The following DPYSL5 variants were observed in gnomAD, a reference collection of about 807,000 sequenced individuals.
DPYSL5 encodes the protein dihydropyrimidinase like 5.
In DPYSL5, 9 loss-of-function variants were observed where a neutral mutation model predicts 58.4. That is an observed-to-expected ratio of 0.15 (90% CI 0.09 to 0.27). DPYSL5 has a LOEUF of 0.27. DPYSL5 is among the 10% of genes least tolerant of loss of function. The pLI is 1.00. For missense variants in DPYSL5, 499 were observed against 770.6 expected, an observed-to-expected ratio of 0.65 and a Z score of 4.17; for synonymous variants, 293 against 301.9, an observed-to-expected ratio of 0.97 and a Z score of 0.31.
At chr2:26,900,071 G>T (rs1360497241) in intron 2 of DPYSL5, among the ~76,000 whole-genome samples, 1 of 152,166 alleles carries the variant, frequency 6.6e-6, no homozygotes, top group Admixed American at 6.5e-5. Context: ...TTTCACTGAA[G>T]TATACCATAT....
intron 2 of DPYSL5, among the ~76,000 whole-genome samples, chr2:26,923,072 A>G (rs1664742432): frequency 1.3e-5 from 2 of 152,140 alleles, no homozygotes; most frequent in Non-Finnish European, 2.9e-5. Flanking sequence ...CCCCAGCAAT[A>G]TTTTTCATTT....
rs372605725 is a variant in DPYSL5 at position 26,927,223 on chromosome 2, C to A, written c.421-30C>A. On this transcript the variant is annotated intron_variant, in intron 3 of 12. Transcript: ENST00000288699. This position sits in a 1 kb window ranked among gnomAD's most constrained non-coding sequence, Gnocchi z 4.3. Reference sequence around the variant, plus strand: ...TCGGCCTCTTGGGTGTCTGCCCTCACGCAGCATTGCCCTTCTACTTGTTCT... The same window carrying A: ...TCGGCCTCTTGGGTGTCTGCCCTCAAGCAGCATTGCCCTTCTACTTGTTCT... 1 of 1,595,858 alleles carries A rather than the reference C, an allele frequency of 6.3e-7. No homozygotes were observed. Among genetic ancestry groups the A allele is most frequent in the East Asian group, 2.3e-5 (1 of 44,406 alleles).
chr2:26,879,916 G>T (rs1003064783), intron 1 of DPYSL5, among the ~76,000 whole-genome samples: 7 of 151,602 alleles, frequency 4.6e-5, no homozygotes, highest in Non-Finnish European at 8.9e-5. Flanking sequence ...GTTGAGACAG[G>T]GTCTCACTCT....
chr2:26,940,605 G>C (rs1405279952), intron 9 of DPYSL5, among the ~76,000 whole-genome samples: 3 of 150,740 alleles, frequency 2.0e-5, no homozygotes, highest in Non-Finnish European at 4.4e-5. Context: ...TGCGATTATA[G>C]GTGTGAGCCA....
intron 8 of DPYSL5, among the ~76,000 whole-genome samples, chr2:26,935,243 C>T (rs1455953850): frequency 1.3e-5 from 2 of 152,136 alleles, no homozygotes; most frequent in Non-Finnish European, 2.9e-5. Flanking sequence ...CTCCTTTCTC[C>T]AGCTCTTCTA....
chr2:26,900,074 T>C (rs1329699820), intron 2 of DPYSL5, among the ~76,000 whole-genome samples: 4 of 152,180 alleles, frequency 2.6e-5, no homozygotes, highest in South Asian at 2.1e-4. Flanking sequence ...CACTGAAGTA[T>C]ACCATATATA....
intron 1 of DPYSL5, among the ~76,000 whole-genome samples, chr2:26,879,666 A>G (rs905641918): frequency 4.6e-5 from 7 of 152,148 alleles, no homozygotes; most frequent in Admixed American, 4.6e-4. Flanking sequence ...GGACACATGC[A>G]GTCAGTGAGT....
At chr2:26,861,498 G>A (rs1666015606) in intron 1 of DPYSL5, among the ~76,000 whole-genome samples, 1 of 152,194 alleles carries the variant, frequency 6.6e-6, no homozygotes, top group African/African-American at 2.4e-5. Flanking sequence ...GAACTTTAGA[G>A]AACGTTTAGT....
chr2:26,931,633 C>T lies in DPYSL5; in HGVS notation c.670-7C>T, dbSNP rs1184697979. 1.2e-6 allele frequency: 2 copies of T among 1,613,914 alleles called. No homozygotes were observed. Among genetic ancestry groups the T allele is most frequent in the Admixed American group, 3.3e-5 (2 of 59,996 alleles). ...TTTGGTTTCCTCCTGTCCTTTGTTT[C>T]TAACAGCTGGAAGCTGAAGCCACTC... On this transcript the variant is annotated splice_region_variant and splice_polypyrimidine_tract_variant and intron_variant, in intron 5 of 12. Transcript: ENST00000288699.
At chr2:26,910,590 G>A (rs191578529) in intron 2 of DPYSL5, among the ~76,000 whole-genome samples, 182 of 133,442 alleles carry the variant, frequency 1.4e-3, no homozygotes, top group African/African-American at 4.7e-3. Flanking sequence ...TATAAGAGTT[G>A]TTTTCTTTTT....
chr2:26,926,034 A>G (rs1664821693), intron 3 of DPYSL5, among the ~76,000 whole-genome samples: 1 of 152,218 alleles, frequency 6.6e-6, no homozygotes, highest in Admixed American at 6.5e-5. Flanking sequence ...TTGAGCTCGA[A>G]TAAACTCTGT....
chr2:26,909,634 G>A (rs1276738204), intron 2 of DPYSL5, among the ~76,000 whole-genome samples: 1 of 152,028 alleles, frequency 6.6e-6, no homozygotes, highest in East Asian at 1.9e-4. Flanking sequence ...AAGCATGATG[G>A]TGTGTACCTA....
At position 26,942,884 on chromosome 2, in the gene DPYSL5, A is replaced by G. The variant is rs1188397606; in HGVS notation, c.1440+134A>G. 9 of 1,031,212 alleles carry G rather than the reference A, an allele frequency of 8.7e-6. No individual in the cohort carries two copies. The highest frequency in any genetic ancestry group is 1.3e-5 in the Non-Finnish European group (9 of 710,586). The allele number at this position is 1,031,212 out of a possible 1,614,324, so 63.9% of individuals were successfully genotyped here. The stretch of plus-strand genomic sequence containing the variant: ...TTCCATTGCACTTTCTCCAGCGTTG[A>G]GAGGGGAGTGTGCGGCAGCGCCAGG... On this transcript the variant is annotated intron_variant, in intron 11 of 12. Transcript: ENST00000288699. This position sits in a 1 kb window ranked among gnomAD's most constrained non-coding sequence, Gnocchi z 5.9.
chr2:26,940,072 C>A lies in DPYSL5; in HGVS notation c.989C>A (p.Thr330Asn), dbSNP rs774858292. Reference protein sequence around the residue: ...NIVASDHRPFTTKQKAMGKED... With the variant: ...NIVASDHRPFNTKQKAMGKED... ...GTGGCATCAGATCACCGGCCTTTCACCACAAAGCAGAAAGCTATGGGCAAG... is the reference window on the plus strand; with the variant it reads ...GTGGCATCAGATCACCGGCCTTTCAACACAAAGCAGAAAGCTATGGGCAAG... The change falls in exon 9 of 13, where the codon ACC (threonine) becomes AAC (asparagine). Residue 330 changes from threonine to asparagine, a missense_variant. Thr to Asn is a moderately conservative substitution (Grantham distance 65). Transcript: ENST00000288699. 1 of 1,614,210 alleles carries A rather than the reference C, an allele frequency of 6.2e-7. No individual in the cohort carries two copies. Among genetic ancestry groups the A allele is most frequent in the Non-Finnish European group, 8.5e-7 (1 of 1,180,040 alleles).
In DPYSL5 at chr2:26,943,232, C is replaced by T. The variant is rs114999883; in HGVS notation, c.1440+482C>T. On this transcript the variant is annotated intron_variant, in intron 11 of 12. Transcript: ENST00000288699. ...GCCCACACTGCTGGCACACAGAGCA[C>T]ACGAGAGGGCTCAGAGCTTTCAGAG... is the stretch of plus-strand genomic sequence containing the variant. 3.8e-3 allele frequency among the ~76,000 whole-genome samples: 575 copies of T among 152,276 alleles called. 1 individual carries two copies. The highest frequency in any genetic ancestry group is 0.013 in the African/African-American group (543 of 41,552).
chr2:26,884,095 G>T (rs1191683961), intron 1 of DPYSL5, among the ~76,000 whole-genome samples: 1 of 152,172 alleles, frequency 6.6e-6, no homozygotes, highest in Non-Finnish European at 1.5e-5. Flanking sequence ...TATTTCTGGG[G>T]CCTGGAGACA....
intron 1 of DPYSL5, among the ~76,000 whole-genome samples, chr2:26,880,498 C>T (rs1375135724): frequency 1.3e-5 from 2 of 152,214 alleles, no homozygotes; most frequent in South Asian, 2.1e-4. Context: ...TTCAGAGCCT[C>T]GACCTCTTGC....
intron 1 of DPYSL5, among the ~76,000 whole-genome samples, chr2:26,867,645 C>T (rs1018894540): frequency 2.6e-5 from 4 of 151,670 alleles, no homozygotes; most frequent in Admixed American, 2.0e-4. Flanking sequence ...TTAGTAGAGA[C>T]GGGGTTTCAC....
chr2:26,848,724 G>A (rs1218287481), intron 1 of DPYSL5, among the ~76,000 whole-genome samples: 3 of 152,174 alleles, frequency 2.0e-5, no homozygotes, highest in Non-Finnish European at 4.4e-5. Context: ...CACACCCTCC[G>A]TCCTTCTCGC....
Sources: allele counts gnomAD v4.1 joint callset (sites outside exome capture counted in the v4.1 genomes callset), GRCh38; gene constraint gnomAD v4.1.1; non-coding constraint Gnocchi (gnomAD v3.1); transcripts MANE v1.5; gene names NCBI Gene and HGNC (gene_info 2026-07-23, HGNC 2026-07-21).